Variants in MYO3A observed in about 807,000 individuals in gnomAD.
MYO3A encodes myosin IIIA.
In MYO3A, 180 loss-of-function variants were observed where a neutral mutation model predicts 192.7. That is an observed-to-expected ratio of 0.93 (90% CI 0.83 to 1.06). The LOEUF is 1.06. Among genes scored for constraint, MYO3A ranks in the 50% least tolerant of loss-of-function variants. MYO3A has a pLI of 0.00. For missense variants in MYO3A, 1,896 were observed against 1,905.0 expected, an observed-to-expected ratio of 1.00 and a Z score of 0.09; for synonymous variants, 628 against 645.3, an observed-to-expected ratio of 0.97 and a Z score of 0.41.
chr10:26,120,973 C>T (rs1361904567), intron 18 of MYO3A, among the ~76,000 whole-genome samples, 171 bp downstream of exon 18: 3 of 152,200 alleles, frequency 2.0e-5, no homozygotes, highest in East Asian at 1.9e-4. Flanking sequence ...CTTAAAACAT[C>T]TTCATGCTTA....
chr10:25,994,173 C>T (rs541914678), intron 4 of MYO3A, among the ~76,000 whole-genome samples: 1 of 152,242 alleles, frequency 6.6e-6, no homozygotes, highest in East Asian at 1.9e-4. Flanking sequence ...TCTCTAAGGA[C>T]TTGCTTTATG....
At chr10:26,185,415 C>A (rs1256432057) in intron 31 of MYO3A, among the ~76,000 whole-genome samples, 1 of 136,680 alleles carries the variant, frequency 7.3e-6, no homozygotes, top group Non-Finnish European at 1.5e-5. Flanking sequence ...TCTCAGGTCA[C>A]TGCAACCTCT....
chr10:26,049,644 G>A lies in MYO3A; in HGVS notation c.954-17331G>A, dbSNP rs967791424. On this transcript the variant is annotated intron_variant, in intron 10 of 34. Transcript: ENST00000642920. The stretch of plus-strand genomic sequence containing the variant: ...CAGAAAGGAGGCAGAGTGATGCAAA[G>A]ATGAAATTCTTTCTTTCTTTCTTTC... Among the ~76,000 whole-genome samples, 5 of 147,956 alleles carry A rather than the reference G, an allele frequency of 3.4e-5. No homozygotes were observed. In the South Asian group the frequency reaches 1.1e-3, roughly 33 times the overall value.
At chr10:26,084,893 C>A (rs1206779882) in intron 14 of MYO3A, among the ~76,000 whole-genome samples, 1 of 152,190 alleles carries the variant, frequency 6.6e-6, no homozygotes, top group East Asian at 1.9e-4. Context: ...GCCACCTTAT[C>A]CTAGGCTTTT....
intron 3 of MYO3A, among the ~76,000 whole-genome samples, chr10:25,952,513 A>G (rs1564399336): frequency 6.6e-6 from 1 of 152,174 alleles, no homozygotes; most frequent in Non-Finnish European, 1.5e-5. Flanking sequence ...GCAAAAATGC[A>G]GCTCTCAACC....
chr10:26,165,066 T>G (rs1483949604), intron 26 of MYO3A, among the ~76,000 whole-genome samples: 1 of 152,214 alleles, frequency 6.6e-6, no homozygotes, highest in Non-Finnish European at 1.5e-5. Flanking sequence ...CAGAAGCTAC[T>G]TCATTGCAGA....
At chr10:26,147,850 C>T (rs1375746806) in intron 23 of MYO3A, among the ~76,000 whole-genome samples, 1 of 152,124 alleles carries the variant, frequency 6.6e-6, no homozygotes, top group Non-Finnish European at 1.5e-5. Context: ...TTCAGAATTA[C>T]CTGGGCAAAT....
intron 25 of MYO3A, among the ~76,000 whole-genome samples, chr10:26,155,544 G>C (rs147179416): frequency 2.6e-5 from 4 of 152,168 alleles, no homozygotes; most frequent in Admixed American, 1.3e-4. Context: ...TAATGTGGAG[G>C]AGGTGGAGGA....
At chr10:26,144,860 C>T (rs768355419) in intron 21 of MYO3A, among the ~76,000 whole-genome samples, 1 of 152,082 alleles carries the variant, frequency 6.6e-6, no homozygotes, top group Non-Finnish European at 1.5e-5. Context: ...AGAAACTCTG[C>T]GATTAGGGCC....
At chr10:25,995,384 G>T (rs1840358278) in intron 4 of MYO3A, among the ~76,000 whole-genome samples, 1 of 152,120 alleles carries the variant, frequency 6.6e-6, no homozygotes, top group Admixed American at 6.5e-5. Context: ...CTCTGCATTG[G>T]TTATTCTAGT....
intron 32 of MYO3A, among the ~76,000 whole-genome samples, chr10:26,198,005 G>A (rs1000270621): frequency 3.2e-4 from 49 of 152,188 alleles, no homozygotes; most frequent in African/African-American, 1.1e-3. Flanking sequence ...TGCTTACATC[G>A]TAACTAGAAG....
chr10:26,043,638 G>A (rs1843480387), intron 10 of MYO3A, among the ~76,000 whole-genome samples: 1 of 152,170 alleles, frequency 6.6e-6, no homozygotes, highest in South Asian at 2.1e-4. Flanking sequence ...TACCAGCAAT[G>A]TTCACTTAAG....
intron 32 of MYO3A, among the ~76,000 whole-genome samples, chr10:26,194,337 T>C (rs79861802): frequency 0.022 from 3,418 of 152,252 alleles, 45 homozygotes; most frequent in Non-Finnish European, 0.035. Context: ...GTGGGACCCG[T>C]GACTGCTTTT....
At chr10:26,060,932 ATTTTAT>A (rs1456471211) in intron 10 of MYO3A, among the ~76,000 whole-genome samples, 8 of 117,214 alleles carry the variant, frequency 6.8e-5, no homozygotes, top group Non-Finnish European at 1.4e-4. Flanking sequence ...TTTTTATTTT[ATTTTAT>A]TTTTTTTTGA....
chr10:26,094,423 T>TC (rs988546825), intron 15 of MYO3A, among the ~76,000 whole-genome samples: 3 of 141,736 alleles, frequency 2.1e-5, no homozygotes, highest in Non-Finnish European at 3.1e-5. Context: ...ATAATTTCTT[T>TC]TTTTTTTTTT....
chr10:25,966,230 CTG>C (rs949925751), intron 4 of MYO3A, among the ~76,000 whole-genome samples: 2 of 152,126 alleles, frequency 1.3e-5, no homozygotes, highest in African/African-American at 4.8e-5. Flanking sequence ...AAGATGACCT[CTG>C]TCATTTTATT....
In MYO3A at chr10:26,211,874, G is replaced by T. The variant is rs1220537263; in HGVS notation, c.4762G>T (p.Glu1588Ter). The change falls in exon 35 of 35, where the codon GAG (glutamate) becomes TAG (stop). Residue 1588 changes from glutamate (E) to a stop codon, truncating the protein, a stop_gained. Coordinates refer to ENST00000642920, the MANE Select transcript of MYO3A (RefSeq NM_017433.5). LOFTEE classifies it high-confidence loss of function. ...CWAAESPEKE[E>*]EREPAANPYD... is the part of the protein sequence containing the mutation. ...GGCGGCGGAGAGCCCCGAGAAGGAG[G>T]AGGAGAGAGAGCCAGCAGCCAACCC... 1 of 1,613,974 alleles carries T rather than the reference G, an allele frequency of 6.2e-7. No homozygotes were observed. The highest frequency in any genetic ancestry group is 1.3e-5 in the African/African-American group (1 of 74,920).
chr10:26,096,354 C>G, intron 15 of MYO3A, 27 bp from the exon 16 acceptor site: 1 of 1,477,004 alleles, frequency 6.8e-7, no homozygotes, highest in Non-Finnish European at 9.4e-7. Flanking sequence ...TTACTAACTA[C>G]CTTACTGTAA....
intron 10 of MYO3A, among the ~76,000 whole-genome samples, chr10:26,060,601 G>A (rs1449474659): frequency 6.6e-6 from 1 of 152,078 alleles, no homozygotes; most frequent in African/African-American, 2.4e-5. Context: ...CTAATATATG[G>A]CACTTGGCAT....
Sources: gnomAD v4.1 joint callset for allele counts (sites outside exome capture counted in the v4.1 genomes callset) on GRCh38, gnomAD v4.1.1 for gene constraint, MANE v1.5 for transcripts, NCBI Gene and HGNC (gene_info 2026-07-23, HGNC 2026-07-21) for gene names.